CFI: variants seen among roughly 807,000 people sequenced by gnomAD.
CFI encodes the protein C3B/C4B inactivator.
CFI carries 66 observed loss-of-function variants against 78.8 expected under a neutral mutation model. The ratio of observed to expected loss-of-function variants is 0.84; its 90% CI spans 0.69 to 1.03. The LOEUF is 1.03. Ranked by LOEUF, CFI falls within the 50% of genes least tolerant of loss-of-function variation. The pLI is 0.00. For synonymous variants in CFI, 250 were observed against 232.6 expected (o/e 1.07, Z -0.68); for missense variants, 706 against 704.5 (o/e 1.00, Z -0.02).
At chr4:109,776,673 G>T (rs1369192872) in intron 1 of CFI, among the ~76,000 whole-genome samples, 1 of 152,184 alleles carries the variant, frequency 6.6e-6, no homozygotes, top group African/African-American at 2.4e-5. Context: ...ATAATTGTCA[G>T]ATTCACCAAA....
chr4:109,745,168 T>G (rs1166208752), intron 11 of CFI, among the ~76,000 whole-genome samples: 1 of 152,122 alleles, frequency 6.6e-6, no homozygotes, highest in Non-Finnish European at 1.5e-5. Flanking sequence ...AGGTTAAATC[T>G]TCCTTTTTTT....
chr4:109,736,275 G>A (rs888257605), downstream of CFI, among the ~76,000 whole-genome samples: 1 of 151,650 alleles, frequency 6.6e-6, no homozygotes, highest in African/African-American at 2.4e-5. Context: ...TCTTTTTCCT[G>A]GGTCTGGGCC....
At chr4:109,755,456 C>A (rs1726005072) in intron 7 of CFI, among the ~76,000 whole-genome samples, 1 of 152,108 alleles carries the variant, frequency 6.6e-6, no homozygotes, top group Non-Finnish European at 1.5e-5. Flanking sequence ...TAATCCCCAA[C>A]ACAACAGTGT....
intron 1 of CFI, 135 bp from the exon 2 acceptor site, chr4:109,766,959 G>T: frequency 1.2e-6 from 1 of 828,082 alleles, no homozygotes; most frequent in African/African-American, 1.7e-5. Flanking sequence ...GTGGCTTCAA[G>T]AATCAGAAAT....
At chr4:109,786,593 G>C (rs1560563690) in intron 1 of CFI, among the ~76,000 whole-genome samples, 2 of 152,026 alleles carry the variant, frequency 1.3e-5, no homozygotes, top group Non-Finnish European at 2.9e-5. Flanking sequence ...CACATGATCA[G>C]TTATGATTAA....
chr4:109,769,360 T>C (rs1024474787), intron 1 of CFI, among the ~76,000 whole-genome samples: 5 of 152,246 alleles, frequency 3.3e-5, no homozygotes, highest in Admixed American at 2.6e-4. Flanking sequence ...ACTGAAGCTC[T>C]GACCTTCATG....
At chr4:109,800,408 C>G (rs551574972) in intron 1 of CFI, among the ~76,000 whole-genome samples, 1 of 147,776 alleles carries the variant, frequency 6.8e-6, no homozygotes, top group Non-Finnish European at 1.5e-5. Context: ...CAGAGCTCCC[C>G]GCAGCCTCAA....
intron 7 of CFI, among the ~76,000 whole-genome samples, chr4:109,754,620 T>C (rs929961187): frequency 1.3e-5 from 2 of 152,082 alleles, no homozygotes; most frequent in African/African-American, 4.8e-5. Context: ...AATGGCAGCG[T>C]CACTTTGCTG....
chr4:109,781,288 A>G (rs1729993596), intron 1 of CFI, among the ~76,000 whole-genome samples: 1 of 152,116 alleles, frequency 6.6e-6, no homozygotes, highest in Non-Finnish European at 1.5e-5. Flanking sequence ...AAAAGAAGAG[A>G]AAAAAATTCA....
chr4:109,799,093 T>G (rs778219874), intron 1 of CFI, among the ~76,000 whole-genome samples: 1 of 152,114 alleles, frequency 6.6e-6, no homozygotes, highest in African/African-American at 2.4e-5. Context: ...TTTCTGAGCA[T>G]GTATCCTGCC....
At chr4:109,755,142 C>A (rs879806582) in intron 7 of CFI, among the ~76,000 whole-genome samples, 6 of 151,992 alleles carry the variant, frequency 3.9e-5, no homozygotes, top group African/African-American at 7.3e-5. Flanking sequence ...AGTGAAAGAA[C>A]AGAGAAAAGG....
intron 4 of CFI, among the ~76,000 whole-genome samples, chr4:109,761,014 G>A (rs765046031): frequency 2.0e-5 from 3 of 152,106 alleles, no homozygotes; most frequent in Admixed American, 1.3e-4. Context: ...TTACATTTTG[G>A]TGGTACTTTT....
downstream of CFI, among the ~76,000 whole-genome samples, chr4:109,737,926 C>T (rs1723461722): frequency 6.6e-6 from 1 of 152,136 alleles, no homozygotes; most frequent in Non-Finnish European, 1.5e-5. Flanking sequence ...GTCTCTGTCA[C>T]ATAGAGTCGC....
intron 1 of CFI, among the ~76,000 whole-genome samples, chr4:109,784,624 G>C (rs934012764): frequency 1.3e-5 from 2 of 152,064 alleles, no homozygotes; most frequent in African/African-American, 4.8e-5. Flanking sequence ...ATCAGTAGAA[G>C]CTGTTCATTA....
At chr4:109,764,726 G>A in intron 2 of CFI, 36 bp from the exon 3 acceptor site, 1 of 1,586,576 alleles carries the variant, frequency 6.3e-7, no homozygotes, top group Non-Finnish European at 8.6e-7. Context: ...GCAATATGTA[G>A]CCATTCACTT....
chr4:109,772,726 C>A (rs1415769570), intron 1 of CFI, among the ~76,000 whole-genome samples: 3 of 152,008 alleles, frequency 2.0e-5, no homozygotes, highest in African/African-American at 4.8e-5. Context: ...CAGACACATG[C>A]TACCATGCCC....
At chr4:109,766,854 G>C (rs762642504) in intron 1 of CFI, 30 bp from the exon 2 acceptor site, 3 of 1,611,612 alleles carry the variant, frequency 1.9e-6, no homozygotes, top group Non-Finnish European at 2.5e-6. Context: ...CATTAACTTA[G>C]CAACAAATTA....
chr4:109,784,793 T>C (rs756403992), intron 1 of CFI, among the ~76,000 whole-genome samples: 5 of 152,106 alleles, frequency 3.3e-5, no homozygotes, highest in Non-Finnish European at 7.4e-5. Flanking sequence ...CTGTGCATGT[T>C]GCTCTTTCTC....
chr4:109,752,975 A>G, intron 7 of CFI, among the ~76,000 whole-genome samples: 1 of 105,496 alleles, frequency 9.5e-6, no homozygotes, highest in East Asian at 2.3e-4. Context: ...TATATTTATT[A>G]TATGAATAAA....
Sources: gnomAD v4.1 joint callset for allele counts (sites outside exome capture counted in the v4.1 genomes callset) on GRCh38, gnomAD v4.1.1 for gene constraint, MANE v1.5 for transcripts, NCBI Gene and HGNC (gene_info 2026-07-23, HGNC 2026-07-21) for gene names.